STAT2: variants seen among roughly 807,000 people sequenced by gnomAD.
The protein encoded by STAT2 is interferon alpha induced transcriptional activator.
A neutral mutation model predicts 122.3 loss-of-function variants in STAT2; 51 were observed. The observed-to-expected ratio is 0.42, with a 90% CI of 0.33 to 0.53. The LOEUF (loss-of-function observed/expected upper bound fraction) is 0.53. STAT2 is among the 20% of genes least tolerant of loss of function. STAT2 has a pLI of 0.10. For missense variants in STAT2, 736 were observed against 1,010.3 expected, an observed-to-expected ratio of 0.73 and a Z score of 3.68; for synonymous variants, 351 against 394.9, an observed-to-expected ratio of 0.89 and a Z score of 1.32.
chr12:56,351,910 T>C (rs536066924), intron 8 of STAT2, among the ~76,000 whole-genome samples: 2 of 152,162 alleles, frequency 1.3e-5, no homozygotes, highest in South Asian at 2.1e-4. Flanking sequence ...TTTTTTTTTT[T>C]AGACAGTCTC....
chr12:56,343,439 G>T lies in STAT2; in HGVS notation c.2506C>A (p.Arg836Ser), dbSNP rs752192658. Reference sequence around the variant, plus strand: ...CCATCAGTGTAGAAGTGGCTGGGGCGGGAGACGTAAACCTCATCCACGGTG... The same window carrying T: ...CCATCAGTGTAGAAGTGGCTGGGGCTGGAGACGTAAACCTCATCCACGGTG... ...QNTVDEVYVS[R>S]PSHFYTDGPL... Residue 836 changes from arginine to serine, a missense_variant, in exon 24 of 24, where the codon CGC becomes AGC. Coordinates refer to ENST00000314128, the MANE Select transcript of STAT2 (RefSeq NM_005419.4). The T allele has an allele frequency of 6.2e-7, 1 of 1,613,994 alleles. No individual in the cohort carries two copies. Among genetic ancestry groups the T allele is most frequent in the Non-Finnish European group, 8.5e-7 (1 of 1,180,008 alleles).
intron 21 of STAT2, 79 bp from the exon 22 acceptor site, chr12:56,346,282 C>A: frequency 6.3e-7 from 1 of 1,581,454 alleles, no homozygotes. Context: ...TGCAGATGGT[C>A]CTGGCAGTCT....
intron 8 of STAT2, 169 bp downstream of exon 8, chr12:56,354,297 C>G (rs1879169338): frequency 3.1e-6 from 3 of 974,624 alleles, no homozygotes; most frequent in Admixed American, 6.1e-5. Flanking sequence ...CTCTGGGCTC[C>G]CTGCGTGGTG....
chr12:56,354,036 TATATAA>T lies in STAT2; in HGVS notation c.782+424_782+429del, dbSNP rs1398032287. ...AAAAAAATATATATATATATATATA[TATATAA>T]AAAATACTGTTAAGCTTAAAAAAAA... On this transcript the variant is annotated intron_variant, in intron 8 of 23. Transcript: ENST00000314128. 3.5e-4 allele frequency among the ~76,000 whole-genome samples: 28 copies of T among 79,898 alleles called. 6 individuals are homozygous for T. The highest frequency in any genetic ancestry group is 1.4e-3 in the South Asian group (3 of 2,140). 52.4% of individuals were successfully genotyped at this position (79,898 alleles called of 152,430 possible). A position where few individuals can be genotyped will look rare whatever the true frequency, so the allele number is the denominator to read the frequency against.
At chr12:56,347,371 C>T (rs927197733) in intron 19 of STAT2, among the ~76,000 whole-genome samples, 1 of 151,808 alleles carries the variant, frequency 6.6e-6, no homozygotes, top group South Asian at 2.1e-4. Context: ...TTGTATTTTT[C>T]GTAGAGACGG....
In STAT2 at chr12:56,355,713, G is replaced by T; in HGVS notation, c.376C>A (p.Gln126Lys). The change falls in exon 4 of 24, where the codon CAA becomes AAA. Residue 126 changes from glutamine (Q) to lysine (K), a missense_variant. Gln to Lys is a moderately conservative substitution (Grantham distance 53, BLOSUM62 1). Transcript: ENST00000314128. ...TACCACTGAATTGTCCTCACCAATT[G>T]GGCCCTCTGAGCCTGGATCAAAATT... is the stretch of plus-strand genomic sequence containing the variant. ...KRILIQAQRA[Q>K]LEQGEPVLET... 6.2e-7 allele frequency: 1 copy of T among 1,613,950 alleles called. No individual in the cohort carries two copies. The highest frequency in any genetic ancestry group is 1.1e-5 in the South Asian group (1 of 91,070).
At chr12:56,357,068 A>C (rs1592220347) in intron 1 of STAT2, among the ~76,000 whole-genome samples, 4 of 112,280 alleles carry the variant, frequency 3.6e-5, no homozygotes, top group Admixed American at 1.2e-4. Flanking sequence ...ATGGACTCTC[A>C]CTCTTTTGCC....
At position 56,356,434 on chromosome 12, in the gene STAT2, G is replaced by C. The variant is rs1473982621; in HGVS notation, c.131+7C>G. On this transcript the variant is annotated splice_region_variant and intron_variant, in intron 2 of 23. Coordinates refer to ENST00000314128, the MANE Select transcript of STAT2 (RefSeq NM_005419.4). ...TTTTCATTCCCCCAACTTCCTGAAG[G>C]CCTCACCAGTTCTGGTCTTCAATCC... is the stretch of plus-strand genomic sequence containing the variant. 3 of 1,613,148 alleles carry C rather than the reference G, an allele frequency of 1.9e-6. No individual in the cohort carries two copies. The highest frequency in any genetic ancestry group is 2.2e-5 in the South Asian group (2 of 90,922).
At position 56,355,876 on chromosome 12, in the gene STAT2, A is replaced by T. The variant is rs755366169; in HGVS notation, c.286-73T>A. The T allele has an allele frequency of 1.2e-4, 173 of 1,451,198 alleles. 1 individual carries two copies. Among genetic ancestry groups the T allele is most frequent in the Middle Eastern group, 3.9e-4 (2 of 5,168 alleles). 89.9% of individuals were successfully genotyped at this position (1,451,198 alleles called of 1,614,324 possible). On this transcript the variant is annotated intron_variant, in intron 3 of 23. Transcript: ENST00000314128. Reference sequence around the variant, plus strand: ...TGACCTATTGCCCTAGACCCTCCCCACCAATGTCCACAGTATTTCCTCCTC... The same window carrying T: ...TGACCTATTGCCCTAGACCCTCCCCTCCAATGTCCACAGTATTTCCTCCTC...
Position 56,344,799 on chromosome 12 carries a change from G to A in STAT2, c.2103-664C>T, listed in dbSNP as rs544001120. Among the ~76,000 whole-genome samples the A allele has an allele frequency of 1.6e-4, 24 of 152,316 alleles. No individual in the cohort carries two copies. In the East Asian group the frequency reaches 4.2e-3, roughly 27 times the overall value. Reference sequence around the variant, plus strand: ...AGGTGGGCGGATCATGAGGTCAGGAGTTTGAGACCAGCCTGGCCAATATGG... The same window carrying A: ...AGGTGGGCGGATCATGAGGTCAGGAATTTGAGACCAGCCTGGCCAATATGG... On this transcript the variant is annotated intron_variant, in intron 22 of 23. Transcript: ENST00000314128.
intron 6 of STAT2, 143 bp from the exon 7 acceptor site, chr12:56,355,006 C>A: frequency 1.2e-6 from 1 of 866,862 alleles, no homozygotes; most frequent in Non-Finnish European, 1.8e-6. Flanking sequence ...GACCCTCAGG[C>A]AAATTCTGAA....
In STAT2 at chr12:56,356,563, C is replaced by T. The variant is rs759818972; in HGVS notation, c.9G>A (p.Gln3=). Residue 3 remains glutamine (Q), a synonymous_variant, in exon 2 of 24, where the codon CAG becomes CAA. Transcript: ENST00000314128. ...TGTCAAGATTCTGCAGCATTTCCCA[C>T]TGCGCCATTTGGGCTCTGCGTCAGA... MA[Q]WEMLQNLDSP... 8.1e-6 allele frequency: 13 copies of T among 1,614,080 alleles called. No homozygotes were observed. Among genetic ancestry groups the T allele is most frequent in the African/African-American group, 1.3e-5 (1 of 74,936 alleles).
intron 22 of STAT2, 37 bp downstream of exon 22, chr12:56,346,109 A>C: frequency 6.2e-7 from 1 of 1,613,362 alleles, no homozygotes; most frequent in South Asian, 1.1e-5. Flanking sequence ...AGAGCCAAAA[A>C]GGATTAGGGA....
chr12:56,343,420 G>T lies in STAT2; in HGVS notation c.2525C>A (p.Thr842Asn), dbSNP rs1356843849. 1.2e-6 allele frequency: 2 copies of T among 1,614,234 alleles called. No individual in the cohort carries two copies. Among genetic ancestry groups the T allele is most frequent in the Admixed American group, 1.7e-5 (1 of 60,018 alleles). ...VYVSRPSHFY[T>N]DGPLMPSDF Reference sequence around the variant, plus strand: ...GTCAGAAGGCATCAAGGGTCCATCAGTGTAGAAGTGGCTGGGGCGGGAGAC... The same window carrying T: ...GTCAGAAGGCATCAAGGGTCCATCATTGTAGAAGTGGCTGGGGCGGGAGAC... Residue 842 changes from threonine to asparagine, a missense_variant, in exon 24 of 24, where the codon ACT (threonine) becomes AAT (asparagine). Coordinates refer to ENST00000314128, the MANE Select transcript of STAT2 (RefSeq NM_005419.4).
rs1315229563 is a variant in STAT2 at position 56,347,174 on chromosome 12, A to G, written c.1725-219T>C. Among the ~76,000 whole-genome samples, 3 of 151,754 alleles carry G rather than the reference A, an allele frequency of 2.0e-5. No individual in the cohort carries two copies. In the East Asian group the frequency reaches 5.8e-4, roughly 29 times the overall value. On this transcript the variant is annotated intron_variant, in intron 19 of 23. Coordinates refer to ENST00000314128, the MANE Select transcript of STAT2 (RefSeq NM_005419.4). ...TGAAGTACGAAGATTCAGTGAGATC[A>G]CACAGATGAACAGCACTTTTTTTTT...
chr12:56,343,129 T>C lies in STAT2; in HGVS notation c.*260A>G. The C allele has an allele frequency of 2.5e-6, 1 of 406,586 alleles. No individual in the cohort carries two copies. The highest frequency in any genetic ancestry group is 4.3e-6 in the Non-Finnish European group (1 of 232,390). The allele number at this position is 406,586 out of a possible 1,614,324, so 25.2% of individuals were successfully genotyped here. A position where few individuals can be genotyped will look rare whatever the true frequency, so the allele number is the denominator to read the frequency against. On this transcript the variant is annotated 3_prime_UTR_variant, in exon 24 of 24. Coordinates refer to ENST00000314128, the MANE Select transcript of STAT2 (RefSeq NM_005419.4). ...TGCCCTGGCCTGCCCCCAGGACCCC[T>C]ATACCTCCCAGCACAGCAGGCAGCC...
chr12:56,355,839 A>C (rs1418824138), intron 3 of STAT2, 36 bp from the exon 4 acceptor site: 14 of 1,590,864 alleles, frequency 8.8e-6, no homozygotes, highest in Non-Finnish European at 1.2e-5. Flanking sequence ...GATCCAATTC[A>C]ACCACTCTCA....
intron 2 of STAT2, 48 bp from the exon 3 acceptor site, chr12:56,356,333 A>T (rs1348216082): frequency 7.5e-6 from 12 of 1,606,632 alleles, no homozygotes; most frequent in African/African-American, 1.3e-5. Context: ...GTGTTACTGT[A>T]GTCCTGAGGC....
At chr12:56,357,703 TTTC>T (rs1879733996) in intron 1 of STAT2, among the ~76,000 whole-genome samples, 2 of 150,538 alleles carry the variant, frequency 1.3e-5, no homozygotes, top group African/African-American at 2.4e-5. Context: ...TAATGGGAAT[TTTC>T]TTTCTTTTTT....
Sources: allele counts gnomAD v4.1 joint callset (sites outside exome capture counted in the v4.1 genomes callset), GRCh38; gene constraint gnomAD v4.1.1; transcripts MANE v1.5; gene names NCBI Gene and HGNC (gene_info 2026-07-23, HGNC 2026-07-21).